The following KIAA0319 variants were observed in gnomAD, a reference collection of about 807,000 sequenced individuals.
The protein encoded by KIAA0319 is dyslexia-associated protein KIAA0319.
Under a neutral mutation model 108.4 loss-of-function variants are expected in KIAA0319, and 83 were observed. The observed-to-expected ratio is 0.77, with a 90% CI of 0.64 to 0.92. The LOEUF (loss-of-function observed/expected upper bound fraction) is 0.92, where lower values mean the gene tolerates loss of function less well. KIAA0319 is among the 40% of genes least tolerant of loss of function. The probability of loss-of-function intolerance (pLI) is 0.00; values close to 1 mark genes in which losing one functional copy is unlikely to be tolerated. For missense variants in KIAA0319, 1,195 were observed against 1,322.4 expected (o/e 0.90, Z 1.49); for synonymous variants, 484 against 510.4 (o/e 0.95, Z 0.70).
chr6:24,598,336 T>A, intron 2 of KIAA0319: 1 of 667,520 alleles, frequency 1.5e-6, no homozygotes, highest in South Asian at 1.5e-5. Context: ...CAACAACAAG[T>A]TTACCTCCTT....
chr6:24,620,537 G>T (rs1773788489), intron 1 of KIAA0319, among the ~76,000 whole-genome samples: 1 of 152,210 alleles, frequency 6.6e-6, no homozygotes, highest in African/African-American at 2.4e-5. Flanking sequence ...CTGACCTCAG[G>T]TGATTTGCCT....
chr6:24,541,892 T>G (rs1175814666), downstream of KIAA0319, among the ~76,000 whole-genome samples: 2 of 151,712 alleles, frequency 1.3e-5, no homozygotes, highest in Admixed American at 6.6e-5. Flanking sequence ...GTAGTCCCAG[T>G]ACTTTGGGAG....
Position 24,545,181 on chromosome 6 carries a change from G to A in KIAA0319, c.*1984C>T, listed in dbSNP as rs748079381. On this transcript the variant is annotated 3_prime_UTR_variant, in exon 21 of 21. Transcript: ENST00000378214. ...GGAGTTCTTTGTTTAGTGGAAAGCA[G>A]AACTCTACAGTTTAAAAAATTTGCA... 6.6e-6 allele frequency: 1 copy of A among 152,130 alleles called. No individual in the cohort carries two copies. The highest frequency in any genetic ancestry group is 1.5e-5 in the Non-Finnish European group (1 of 68,028). 9.4% of individuals were successfully genotyped at this position (152,130 alleles called of 1,614,324 possible). A position where few individuals can be genotyped will look rare whatever the true frequency, so the allele number is the denominator to read the frequency against.
chr6:24,608,661 T>A (rs1169487458), intron 1 of KIAA0319, among the ~76,000 whole-genome samples: 3 of 151,918 alleles, frequency 2.0e-5, no homozygotes, highest in African/African-American at 7.2e-5. Context: ...CCAGGCGCGG[T>A]GGCTCACGCC....
At chr6:24,631,491 A>C (rs918323457) in intron 1 of KIAA0319, among the ~76,000 whole-genome samples, 1 of 152,188 alleles carries the variant, frequency 6.6e-6, no homozygotes, top group Non-Finnish European at 1.5e-5. Flanking sequence ...GCTATGGTAA[A>C]TTTTACCATC....
chr6:24,589,197 TA>T (rs1768044266), intron 3 of KIAA0319, among the ~76,000 whole-genome samples: 1 of 152,118 alleles, frequency 6.6e-6, no homozygotes, highest in Non-Finnish European at 1.5e-5. Flanking sequence ...GTTATGAGGG[TA>T]AAGCCTTCAT....
intron 1 of KIAA0319, among the ~76,000 whole-genome samples, chr6:24,611,165 C>A (rs911853899): frequency 1.3e-5 from 2 of 148,890 alleles, no homozygotes; most frequent in Admixed American, 6.7e-5. Context: ...ATAAGATGTA[C>A]AGTTTTTGCT....
At chr6:24,553,461 T>C (rs1049808642) in intron 19 of KIAA0319, among the ~76,000 whole-genome samples, 1 of 151,768 alleles carries the variant, frequency 6.6e-6, no homozygotes, top group African/African-American at 2.4e-5. Flanking sequence ...TCCCTCTCTC[T>C]CTCTGACCTT....
At position 24,559,014 on chromosome 6, in the gene KIAA0319, T is replaced by G. The variant is rs183719471; in HGVS notation, c.2733A>C (p.Ala911=). 1 of 1,610,108 alleles carries G rather than the reference T, an allele frequency of 6.2e-7. No homozygotes were observed. The highest frequency in any genetic ancestry group is 1.3e-5 in the African/African-American group (1 of 75,022). Residue 911 remains alanine, a splice_region_variant and synonymous_variant, in exon 17 of 21, where the codon GCA becomes GCC. Coordinates refer to ENST00000378214, the MANE Select transcript of KIAA0319 (RefSeq NM_014809.4). ...LLFKVLRVDT[A]GCLLKCSGHG... ...TAGAATATTCCATAGGAGACCTACC[T>G]GCTGTATCAACCCTCAAGACCTTGA...
intron 1 of KIAA0319, among the ~76,000 whole-genome samples, chr6:24,624,008 C>CTTTGT (rs1562090669): frequency 1.1e-5 from 1 of 87,376 alleles, no homozygotes; most frequent in Non-Finnish European, 2.3e-5. Flanking sequence ...TTTTGAATTT[C>CTTTGT]TTTGTTTTCT....
intron 17 of KIAA0319, among the ~76,000 whole-genome samples, chr6:24,557,676 G>A (rs1762494939): frequency 6.6e-6 from 1 of 152,064 alleles, no homozygotes; most frequent in Non-Finnish European, 1.5e-5. Flanking sequence ...CATAATTATG[G>A]AGCATATCCA....
Position 24,556,632 on chromosome 6 carries a change from A to G in KIAA0319, c.2832T>C (p.Tyr944=). The G allele has an allele frequency of 6.2e-7, 1 of 1,614,036 alleles. No individual in the cohort carries two copies. Among genetic ancestry groups the G allele is most frequent in the Non-Finnish European group, 8.5e-7 (1 of 1,179,952 alleles). ...HLWMENLIQR[Y]IWDGESNCEW... is the part of the protein sequence containing the mutation. ...CACAGTTGCTCTCTCCATCCCAGAT[A>G]TAACGCTGTATAAGGTTCTCCATCC... The change falls in exon 18 of 21, where the codon TAT becomes TAC. Residue 944 remains tyrosine (Y), a synonymous_variant. Transcript: ENST00000378214.
chr6:24,608,233 A>G (rs1771714326), intron 1 of KIAA0319, among the ~76,000 whole-genome samples: 1 of 152,070 alleles, frequency 6.6e-6, no homozygotes. Context: ...AATAAATAAA[A>G]TGCTACTGAG....
At chr6:24,598,135 GGCA>G (rs1449779401) in intron 2 of KIAA0319, 56 of 445,360 alleles carry the variant, frequency 1.3e-4, no homozygotes, top group Middle Eastern at 4.5e-4. Context: ...CTCTCGAGTG[GGCA>G]GCAGCAGCAG....
At chr6:24,567,251 C>G (rs1311587085) in intron 13 of KIAA0319, among the ~76,000 whole-genome samples, 3 of 152,032 alleles carry the variant, frequency 2.0e-5, no homozygotes, top group African/African-American at 7.2e-5. Context: ...CCTGTAATCC[C>G]AGCACTTTAG....
intron 1 of KIAA0319, among the ~76,000 whole-genome samples, chr6:24,609,273 C>CAAAAAAAAA (rs886616830): frequency 1.1e-4 from 8 of 74,710 alleles, no homozygotes; most frequent in Non-Finnish European, 2.3e-4. Context: ...GTCTCAAAAA[C>CAAAAAAAAA]AAAAAAAAAA....
intron 2 of KIAA0319, chr6:24,600,829 A>G: frequency 1.3e-6 from 1 of 769,940 alleles, no homozygotes; most frequent in Non-Finnish European, 2.1e-6. Context: ...ATGAAATGTG[A>G]TTTTATTTTC....
At chr6:24,590,099 G>A (rs2127505500) in intron 3 of KIAA0319, among the ~76,000 whole-genome samples, 1 of 152,292 alleles carries the variant, frequency 6.6e-6, no homozygotes, top group East Asian at 1.9e-4. Flanking sequence ...GTAAATCAGA[G>A]AGGGGGCCAT....
chr6:24,580,507 C>T (rs1234943093), intron 7 of KIAA0319, among the ~76,000 whole-genome samples: 1 of 152,180 alleles, frequency 6.6e-6, no homozygotes, highest in African/African-American at 2.4e-5. Context: ...GCCCAAGAAC[C>T]ACCTGTTTCT....
Sources: allele counts gnomAD v4.1 joint callset (sites outside exome capture counted in the v4.1 genomes callset), GRCh38; gene constraint gnomAD v4.1.1; transcripts MANE v1.5; gene names NCBI Gene and HGNC (gene_info 2026-07-23, HGNC 2026-07-21).